The following SMTNL2 variants were observed in gnomAD, a reference collection of about 807,000 sequenced individuals.
SMTNL2 encodes smoothelin like 2.
A neutral mutation model predicts 44.1 loss-of-function variants in SMTNL2; 43 were observed. The observed-to-expected ratio is 0.98, with a 90% confidence interval of 0.76 to 1.26. The LOEUF (loss-of-function observed/expected upper bound fraction) is 1.26. Ranked by LOEUF, SMTNL2 falls within the 50% of genes most tolerant of loss-of-function variation. The pLI is 0.00. For synonymous variants in SMTNL2, 317 were observed against 287.6 expected (o/e 1.10, Z -1.03); for missense variants, 646 against 670.2 (o/e 0.96, Z 0.40).
At chr17:4,591,093 C>A (rs936688019) in intron 1 of SMTNL2, among the ~76,000 whole-genome samples, 1 of 152,214 alleles carries the variant, frequency 6.6e-6, no homozygotes, top group African/African-American at 2.4e-5. Flanking sequence ...GAGAAGCCCT[C>A]CTTGCCCCAC....
intron 7 of SMTNL2, among the ~76,000 whole-genome samples, chr17:4,601,459 A>G (rs1259455019): frequency 2.0e-5 from 3 of 151,928 alleles, no homozygotes; most frequent in African/African-American, 7.3e-5. Flanking sequence ...GGTTCTTGCT[A>G]TGGAATGGCA....
intron 7 of SMTNL2, among the ~76,000 whole-genome samples, chr17:4,602,258 C>T (rs556482002): frequency 2.7e-5 from 4 of 147,036 alleles, no homozygotes; most frequent in Admixed American, 6.8e-5. Flanking sequence ...GGCACCATGT[C>T]TCTGAGGGAG....
In SMTNL2 at chr17:4,596,942, C is replaced by T. The variant is rs753063111; in HGVS notation, c.1072C>T (p.Leu358Phe). The T allele has an allele frequency of 6.5e-7, 1 of 1,526,934 alleles. No homozygotes were observed. Among genetic ancestry groups the T allele is most frequent in the Non-Finnish European group, 8.8e-7 (1 of 1,130,892 alleles). 94.6% of individuals were successfully genotyped at this position (1,526,934 alleles called of 1,614,324 possible). A position where few individuals can be genotyped will look rare whatever the true frequency, so the allele number is the denominator to read the frequency against. ...ASASSIKQIL[L>F]EWCRSKTLGY... is the part of the protein sequence containing the mutation. ...CGCCAGCAGCATCAAGCAGATCCTG[C>T]TCGAGTGGTGCCGCAGCAAGACGCT... Residue 358 changes from leucine to phenylalanine, a missense_variant, in exon 6 of 8, where the codon CTC becomes TTC. Coordinates refer to ENST00000389313, the MANE Select transcript of SMTNL2 (RefSeq NM_001114974.2).
chr17:4,592,861 C>T lies in SMTNL2; in HGVS notation c.488-68C>T. On this transcript the variant is annotated intron_variant, in intron 2 of 7. Transcript: ENST00000389313. The surrounding 1 kb of genome is among the most constrained non-coding windows in gnomAD (Gnocchi z 4.5). ...GAGGGCCCAGGGAGGCTAGAGCCCTCCTGGGAGGTCCCAGGCCCCTGTGGC... is the reference window on the plus strand; with the variant it reads ...GAGGGCCCAGGGAGGCTAGAGCCCTTCTGGGAGGTCCCAGGCCCCTGTGGC... The T allele has an allele frequency of 1.3e-6, 2 of 1,558,552 alleles. No individual in the cohort carries two copies. Among genetic ancestry groups the T allele is most frequent in the Non-Finnish European group, 1.7e-6 (2 of 1,149,122 alleles).
intron 4 of SMTNL2, 171 bp from the exon 5 acceptor site, chr17:4,594,974 T>C (rs1909745818): frequency 4.7e-6 from 4 of 855,842 alleles, no homozygotes; most frequent in Non-Finnish European, 5.4e-6. Flanking sequence ...GCCAGCACAA[T>C]TCAGAAAACC....
rs1212882976 is a variant in SMTNL2, at chr17:4,598,155, G to A, written c.1259+832G>A. Among the ~76,000 whole-genome samples the A allele has an allele frequency of 2.6e-5, 4 of 152,212 alleles. No individual in the cohort carries two copies. Among genetic ancestry groups the A allele is most frequent in the Non-Finnish European group, 5.9e-5 (4 of 68,030 alleles). On this transcript the variant is annotated intron_variant, in intron 7 of 7. Coordinates refer to ENST00000389313, the MANE Select transcript of SMTNL2 (RefSeq NM_001114974.2). This position sits in a 1 kb window ranked among gnomAD's most constrained non-coding sequence, Gnocchi z 4.8. The stretch of plus-strand genomic sequence containing the variant: ...GACTGTCTGATAAGAGCTGCGCTTT[G>A]GGCAAATGGTTGCAGTCAGCTCGCT...
rs12939239 is a variant in SMTNL2 at position 4,595,346 on chromosome 17, A to G, written c.989+19A>G. ...CCGGCAAGTACGGATGCCCACTCAC[A>G]GACAGGCCCGGCCCCACGGTGTGCC... On this transcript the variant is annotated intron_variant, in intron 5 of 7. Transcript: ENST00000389313. This position sits in a 1 kb window ranked among gnomAD's most constrained non-coding sequence, Gnocchi z 5.1. 245,171 of 1,608,480 alleles carry G rather than the reference A, an allele frequency of 0.15. 19,296 individuals are homozygous for G. Among genetic ancestry groups the G allele is most frequent in the Admixed American group, 0.22 (13,119 of 59,776 alleles).
rs1269935983 is a variant in SMTNL2, at chr17:4,607,093, A to G, written c.1260-268A>G. On this transcript the variant is annotated intron_variant, in intron 7 of 7. Transcript: ENST00000389313. The surrounding 1 kb of genome is among the most constrained non-coding windows in gnomAD (Gnocchi z 4.7). ...GAGCAAGCCCCTGTCTCTAAAAAAA[A>G]AACCCAAATTAAATAAAGTAAGTCT... Among the ~76,000 whole-genome samples, 1 of 152,180 alleles carries G rather than the reference A, an allele frequency of 6.6e-6. No individual in the cohort carries two copies. Among genetic ancestry groups the G allele is most frequent in the Non-Finnish European group, 1.5e-5 (1 of 68,036 alleles).
Position 4,592,308 on chromosome 17 carries a change from G to C in SMTNL2, c.400-53G>C, listed in dbSNP as rs955903476. On this transcript the variant is annotated intron_variant, in intron 1 of 7. Coordinates refer to ENST00000389313, the MANE Select transcript of SMTNL2 (RefSeq NM_001114974.2). The surrounding 1 kb of genome is among the most constrained non-coding windows in gnomAD (Gnocchi z 4.5). Reference sequence around the variant, plus strand: ...ATTTGGGGGTGGGCAGCTTTTGGGGGTGGGCAGCTGGCCCTAGCTGATGGG... The same window carrying C: ...ATTTGGGGGTGGGCAGCTTTTGGGGCTGGGCAGCTGGCCCTAGCTGATGGG... The C allele has an allele frequency of 1.9e-5, 30 of 1,568,364 alleles. No homozygotes were observed. The highest frequency in any genetic ancestry group is 2.4e-5 in the Non-Finnish European group (27 of 1,145,508).
chr17:4,596,843 C>T lies in SMTNL2; in HGVS notation c.990-17C>T, dbSNP rs1909835043. ...AGCTGGAGGGGCCCCCGCAGCAGGC[C>T]TGCCGTCTCTCCGCAGGGGGAAAGG... On this transcript the variant is annotated splice_polypyrimidine_tract_variant and intron_variant, in intron 5 of 7. Transcript: ENST00000389313. The T allele has an allele frequency of 2.1e-6, 3 of 1,438,342 alleles. No individual in the cohort carries two copies. Among genetic ancestry groups the T allele is most frequent in the African/African-American group, 2.9e-5 (2 of 69,600 alleles). The allele number at this position is 1,438,342 out of a possible 1,614,324, so 89.1% of individuals were successfully genotyped here.
intron 4 of SMTNL2, chr17:4,594,932 T>C: frequency 1.6e-6 from 1 of 637,894 alleles, no homozygotes; most frequent in South Asian, 1.9e-5. Flanking sequence ...GCCCAGCGTC[T>C]CCTGAGTTGA....
At chr17:4,588,076 CTG>C (rs1466071775) in intron 1 of SMTNL2, among the ~76,000 whole-genome samples, 2 of 152,248 alleles carry the variant, frequency 1.3e-5, no homozygotes, top group African/African-American at 4.8e-5. Context: ...CCCAGACACA[CTG>C]TGCGATAAGA....
rs540061963 is a variant in SMTNL2 at position 4,592,019 on chromosome 17, G to A, written c.400-342G>A. Among the ~76,000 whole-genome samples, 19 of 152,316 alleles carry A rather than the reference G, an allele frequency of 1.2e-4. No homozygotes were observed. Among genetic ancestry groups the A allele is most frequent in the Non-Finnish European group, 4.4e-5 (3 of 68,030 alleles). ...CCAGCTGAGAGGGGCAGGGGGCGAG[G>A]CACTCCTGACCCCATCATCTGGTCC... On this transcript the variant is annotated intron_variant, in intron 1 of 7. Transcript: ENST00000389313. This position sits in a 1 kb window ranked among gnomAD's most constrained non-coding sequence, Gnocchi z 4.5.
intron 7 of SMTNL2, among the ~76,000 whole-genome samples, chr17:4,604,691 G>A (rs1910195082): frequency 6.7e-6 from 1 of 149,704 alleles, no homozygotes; most frequent in Non-Finnish European, 1.5e-5. Context: ...CTTTTTTTTT[G>A]AGACAGAGTC....
intron 1 of SMTNL2, among the ~76,000 whole-genome samples, chr17:4,590,700 C>G (rs1030243118): frequency 6.6e-6 from 1 of 152,150 alleles, no homozygotes; most frequent in East Asian, 1.9e-4. Flanking sequence ...TTCCCCAAAG[C>G]TCCGAGTCCT....
Position 4,598,851 on chromosome 17 carries a change from G to A in SMTNL2, c.1259+1528G>A, listed in dbSNP as rs970050418. ...AAAAAAAAAAAAAAGTGGTCCTCAT[G>A]GGCTTGTTGGGTTAAAGGAGCCTCA... On this transcript the variant is annotated intron_variant, in intron 7 of 7. Transcript: ENST00000389313. This position sits in a 1 kb window ranked among gnomAD's most constrained non-coding sequence, Gnocchi z 4.8. Among the ~76,000 whole-genome samples, 3 of 151,370 alleles carry A rather than the reference G, an allele frequency of 2.0e-5. No individual in the cohort carries two copies. In the East Asian group the frequency reaches 5.8e-4, roughly 29 times the overall value.
At position 4,584,665 on chromosome 17, in the gene SMTNL2, C is replaced by T; in HGVS notation, c.60C>T (p.Tyr20=). The part of the protein sequence containing the change: ...ARTVREALGR[Y]EAALEGAVRA... ...CTGTGCGCGAGGCGCTGGGCCGCTA[C>T]GAGGCGGCGCTGGAGGGTGCGGTGC... The change falls in exon 1 of 8, where the codon TAC becomes TAT. Residue 20 remains tyrosine, a synonymous_variant. Transcript: ENST00000389313. 7.8e-7 allele frequency: 1 copy of T among 1,275,726 alleles called. No individual in the cohort carries two copies. Among genetic ancestry groups the T allele is most frequent in the Non-Finnish European group, 9.9e-7 (1 of 1,014,522 alleles). 79.0% of individuals were successfully genotyped at this position (1,275,726 alleles called of 1,614,324 possible).
rs1909773572 is a variant in SMTNL2 at position 4,595,525 on chromosome 17, G to A, written c.989+198G>A. On this transcript the variant is annotated intron_variant, in intron 5 of 7. Coordinates refer to ENST00000389313, the MANE Select transcript of SMTNL2 (RefSeq NM_001114974.2). This position sits in a 1 kb window ranked among gnomAD's most constrained non-coding sequence, Gnocchi z 5.1. ...CTTGGGGGGACAGAGGACCCCAGTT[G>A]TTGGGGGAGATGGCTGTGAGGCAGG... Among the ~76,000 whole-genome samples, 1 of 152,250 alleles carries A rather than the reference G, an allele frequency of 6.6e-6. No individual in the cohort carries two copies. The highest frequency in any genetic ancestry group is 1.5e-5 in the Non-Finnish European group (1 of 68,034).
Position 4,595,259 on chromosome 17 carries a change from C to T in SMTNL2, c.921C>T (p.Pro307=), listed in dbSNP as rs775908066. 5.0e-6 allele frequency: 8 copies of T among 1,613,258 alleles called. No individual in the cohort carries two copies. In the East Asian group the frequency reaches 1.6e-4, roughly 31 times the overall value. ...AGCTGGTGAGGTCGCAGACGCTGCC[C>T]CGCACCTCGGAGGCGCAGGCCCGGA... The part of the protein sequence containing the change: ...RRELVRSQTL[P]RTSEAQARKA... Residue 307 remains proline, a synonymous_variant, in exon 5 of 8, where the codon CCC becomes CCT. Transcript: ENST00000389313. This position sits in a 1 kb window ranked among gnomAD's most constrained non-coding sequence, Gnocchi z 5.1.
Sources: allele counts gnomAD v4.1 joint callset (sites outside exome capture counted in the v4.1 genomes callset), GRCh38; gene constraint gnomAD v4.1.1; non-coding constraint Gnocchi (gnomAD v3.1); transcripts MANE v1.5; gene names NCBI Gene and HGNC (gene_info 2026-07-23, HGNC 2026-07-21).